Variants in TMTC2 observed in about 807,000 individuals in gnomAD.
The protein encoded by TMTC2 is protein O-mannosyl-transferase TMTC2.
A neutral mutation model predicts 82.4 loss-of-function variants in TMTC2; 43 were observed. That is an observed-to-expected ratio of 0.52 (90% CI 0.41 to 0.67). TMTC2 has a LOEUF of 0.67. Ranked by LOEUF, TMTC2 falls within the 30% of genes least tolerant of loss-of-function variation. The pLI, the probability that TMTC2 is intolerant of heterozygous loss-of-function variation, is 0.00. For missense variants in TMTC2, 919 were observed against 1,012.4 expected (o/e 0.91, Z 1.25); for synonymous variants, 408 against 381.9 (o/e 1.07, Z -0.80).
intron 8 of TMTC2, among the ~76,000 whole-genome samples, chr12:83,011,403 CAT>C (rs376843506): frequency 3.9e-5 from 6 of 152,200 alleles, no homozygotes; most frequent in African/African-American, 1.4e-4. Flanking sequence ...TGAGTCCATA[CAT>C]GAACATAAGG....
At chr12:83,064,428 C>T (rs936496149) in intron 11 of TMTC2, among the ~76,000 whole-genome samples, 4 of 151,924 alleles carry the variant, frequency 2.6e-5, no homozygotes, top group African/African-American at 9.7e-5. Flanking sequence ...CTTTCCTTAT[C>T]TGGCAACAAT....
At chr12:83,088,596 G>A (rs998149579) in intron 11 of TMTC2, among the ~76,000 whole-genome samples, 4 of 152,194 alleles carry the variant, frequency 2.6e-5, no homozygotes, top group Admixed American at 6.5e-5. Context: ...GGGGAGGCCC[G>A]AGGAGAAGGA....
At chr12:82,717,959 T>C (rs1226587432) in intron 1 of TMTC2, among the ~76,000 whole-genome samples, 1 of 152,210 alleles carries the variant, frequency 6.6e-6, no homozygotes, top group African/African-American at 2.4e-5. Context: ...ACAGTGGTCT[T>C]ATATCCATGA....
intron 1 of TMTC2, among the ~76,000 whole-genome samples, chr12:82,780,277 T>C (rs1161776142): frequency 6.6e-6 from 1 of 152,190 alleles, no homozygotes; most frequent in African/African-American, 2.4e-5. Context: ...TGAGGTTAAC[T>C]GACCATTCTG....
chr12:82,860,277 T>C (rs1871477546), intron 2 of TMTC2, among the ~76,000 whole-genome samples: 1 of 152,148 alleles, frequency 6.6e-6, no homozygotes, highest in Non-Finnish European at 1.5e-5. Context: ...CAGCCCATTT[T>C]ATAGATTTTT....
intron 1 of TMTC2, 27 bp downstream of exon 1, chr12:82,687,696 G>C (rs775152371): frequency 1.3e-6 from 2 of 1,581,984 alleles, no homozygotes; most frequent in East Asian, 4.5e-5. Context: ...AGGGGGCGAC[G>C]GGCTGCAGGG....
chr12:83,006,330 G>A (rs976977328), intron 8 of TMTC2, among the ~76,000 whole-genome samples: 13 of 152,108 alleles, frequency 8.5e-5, no homozygotes, highest in Admixed American at 6.5e-4. Flanking sequence ...GGTCTCACTC[G>A]CTTGGAGAGG....
chr12:83,050,717 G>A (rs868206916), intron 9 of TMTC2, among the ~76,000 whole-genome samples, 187 bp from the exon 10 acceptor site: 1 of 151,976 alleles, frequency 6.6e-6, no homozygotes, highest in South Asian at 2.1e-4. Flanking sequence ...GTTTAAGTTA[G>A]CAAATAGAAA....
chr12:82,735,131 G>A (rs1478984760), intron 1 of TMTC2, among the ~76,000 whole-genome samples: 17 of 152,098 alleles, frequency 1.1e-4, no homozygotes, highest in Admixed American at 1.0e-3. Flanking sequence ...AGAATTTCAG[G>A]ATGTGCCCCT....
intron 3 of TMTC2, among the ~76,000 whole-genome samples, chr12:82,914,086 A>G (rs1180176745): frequency 6.6e-6 from 1 of 152,212 alleles, no homozygotes; most frequent in Non-Finnish European, 1.5e-5. Context: ...CTGTACCAGC[A>G]AAGAAGGCAA....
At chr12:83,097,446 C>G (rs1884067420) in intron 11 of TMTC2, among the ~76,000 whole-genome samples, 1 of 152,118 alleles carries the variant, frequency 6.6e-6, no homozygotes, top group Non-Finnish European at 1.5e-5. Flanking sequence ...ACAACTGCTT[C>G]CTAGCTATTT....
intron 2 of TMTC2, among the ~76,000 whole-genome samples, chr12:82,872,858 T>C (rs1275679811): frequency 2.0e-5 from 3 of 152,210 alleles, no homozygotes; most frequent in African/African-American, 7.2e-5. Flanking sequence ...TTTTGATTTT[T>C]TTAAAAATTA....
chr12:83,066,833 G>T (rs1882934207), intron 11 of TMTC2, among the ~76,000 whole-genome samples: 1 of 151,914 alleles, frequency 6.6e-6, no homozygotes, highest in Non-Finnish European at 1.5e-5. Flanking sequence ...TGTAATCAGA[G>T]GGCTTTATTC....
intron 8 of TMTC2, among the ~76,000 whole-genome samples, chr12:83,007,789 G>T (rs1165594161): frequency 6.6e-6 from 1 of 151,940 alleles, no homozygotes; most frequent in Non-Finnish European, 1.5e-5. Context: ...AGAAAATCTT[G>T]TAGGATTTCT....
At chr12:83,084,818 A>G (rs12316050) in intron 11 of TMTC2, among the ~76,000 whole-genome samples, 11,918 of 152,262 alleles carry the variant, frequency 0.078, 555 homozygotes, top group East Asian at 0.23. Flanking sequence ...GCACAACTCT[A>G]TAAATCAGTG....
intron 1 of TMTC2, among the ~76,000 whole-genome samples, chr12:82,823,132 A>G (rs956522631): frequency 6.6e-6 from 1 of 152,190 alleles, no homozygotes; most frequent in African/African-American, 2.4e-5. Flanking sequence ...GAAGTGATGC[A>G]GTTCATAAAT....
At chr12:82,889,041 G>C (rs1873253834) in intron 2 of TMTC2, among the ~76,000 whole-genome samples, 1 of 152,124 alleles carries the variant, frequency 6.6e-6, no homozygotes, top group Admixed American at 6.5e-5. Flanking sequence ...AACTTTGGGA[G>C]GCTGAGGCGG....
At chr12:82,874,391 T>C (rs1872373694) in intron 2 of TMTC2, among the ~76,000 whole-genome samples, 1 of 152,230 alleles carries the variant, frequency 6.6e-6, no homozygotes, top group Admixed American at 6.5e-5. Flanking sequence ...TAATTTAAAA[T>C]ATAATTTTAC....
chr12:83,072,149 G>T (rs1045170176), intron 11 of TMTC2, among the ~76,000 whole-genome samples: 2 of 152,046 alleles, frequency 1.3e-5, no homozygotes, highest in African/African-American at 4.8e-5. Flanking sequence ...GCTTAGGGCT[G>T]TGAACTTTCC....
Sources: allele counts gnomAD v4.1 joint callset (sites outside exome capture counted in the v4.1 genomes callset), GRCh38; gene constraint gnomAD v4.1.1; transcripts MANE v1.5; gene names NCBI Gene and HGNC (gene_info 2026-07-23, HGNC 2026-07-21).